The following MLYCD variants were observed in gnomAD, a reference collection of about 807,000 sequenced individuals.
MLYCD encodes malonyl-CoA decarboxylase, mitochondrial.
A neutral mutation model predicts 35.8 loss-of-function variants in MLYCD; 27 were observed. That is an observed-to-expected ratio of 0.75 (90% CI 0.56 to 1.04). MLYCD has a LOEUF of 1.04. Among genes scored for constraint, MLYCD ranks in the 50% least tolerant of loss-of-function variants. MLYCD has a pLI of 0.00. For synonymous variants in MLYCD, 403 were observed against 302.4 expected, an observed-to-expected ratio of 1.33 and a Z score of -3.45; for missense variants, 917 against 665.1, an observed-to-expected ratio of 1.38 and a Z score of -4.17.
Position 83,908,216 on chromosome 16 carries a change from G to C in MLYCD, c.732G>C (p.Ser244=). The change falls in exon 3 of 5, where the codon TCG becomes TCC. Residue 244 remains serine (S), a synonymous_variant. Transcript: ENST00000262430. ...YRRCYFFSHC[S]TPGEPLVVLH... ...GGTGTTACTTCTTTTCTCACTGTTC[G>C]ACCCCTGGGGAGCCCCTGGTCGTTT... 2 of 1,614,118 alleles carry C rather than the reference G, an allele frequency of 1.2e-6. No homozygotes were observed. The highest frequency in any genetic ancestry group is 1.7e-5 in the Admixed American group (1 of 60,008).
chr16:83,915,627 C>G lies in MLYCD; in HGVS notation c.*138C>G, dbSNP rs868586914. The G allele has an allele frequency of 2.0e-6, 3 of 1,524,012 alleles. No homozygotes were observed. The highest frequency in any genetic ancestry group is 4.0e-5 in the Admixed American group (2 of 50,592). 94.4% of individuals were successfully genotyped at this position (1,524,012 alleles called of 1,614,324 possible). A position where few individuals can be genotyped will look rare whatever the true frequency, so the allele number is the denominator to read the frequency against. On this transcript the variant is annotated 3_prime_UTR_variant, in exon 5 of 5. Transcript: ENST00000262430. ...GTTCTTGTCCCGCAGCCGGTCCACACTGTGAGGCCAGGCCTCAACTTCCCT... is the reference window on the plus strand; with the variant it reads ...GTTCTTGTCCCGCAGCCGGTCCACAGTGTGAGGCCAGGCCTCAACTTCCCT...
chr16:83,918,218 C>T lies in MLYCD; in HGVS notation c.*2729C>T, dbSNP rs186431271. 2.0e-5 allele frequency: 3 copies of T among 152,260 alleles called. No homozygotes were observed. The highest frequency in any genetic ancestry group is 6.5e-5 in the Admixed American group (1 of 15,288). 9.4% of individuals were successfully genotyped at this position (152,260 alleles called of 1,614,324 possible). ...TCTTAACCTTTTGTGAGTTACAGATCACTGAAATTCTGGTGAAAGCCAGGT... is the reference window on the plus strand; with the variant it reads ...TCTTAACCTTTTGTGAGTTACAGATTACTGAAATTCTGGTGAAAGCCAGGT... On this transcript the variant is annotated 3_prime_UTR_variant, in exon 5 of 5. Transcript: ENST00000262430.
chr16:83,908,669 T>A (rs1162434166), intron 3 of MLYCD, among the ~76,000 whole-genome samples: 1 of 152,170 alleles, frequency 6.6e-6, no homozygotes, highest in African/African-American at 2.4e-5. Flanking sequence ...GATACTTGAT[T>A]AGAAAATTGA....
rs1289450675 is a variant in MLYCD, at chr16:83,920,676, C to T, written c.*5187C>T. The T allele has an allele frequency of 1.3e-5, 2 of 152,222 alleles. No homozygotes were observed. The highest frequency in any genetic ancestry group is 1.9e-4 in the East Asian group (1 of 5,194). 9.4% of individuals were successfully genotyped at this position (152,222 alleles called of 1,614,324 possible). A position where few individuals can be genotyped will look rare whatever the true frequency, so the allele number is the denominator to read the frequency against. ...GCAGGCGTGTCCGAGACTGCAACTC[C>T]TAGTTCCCACCTTTCACACCTCATC... On this transcript the variant is annotated 3_prime_UTR_variant, in exon 5 of 5. Transcript: ENST00000262430.
rs148766722 is a variant in MLYCD, at chr16:83,902,131, A to ATGTGTG, written c.528+2472_528+2477dup. On this transcript the variant is annotated intron_variant, in intron 1 of 4. Coordinates refer to ENST00000262430, the MANE Select transcript of MLYCD (RefSeq NM_012213.3). ...TATACACATATATATGTATGTGTAT[A>ATGTGTG]TGTGTGTGTGTGTGTGTGCGTGCGT... Among the ~76,000 whole-genome samples, 901 of 126,548 alleles carry ATGTGTG rather than the reference A, an allele frequency of 7.1e-3. 12 individuals carry two copies. Among genetic ancestry groups the ATGTGTG allele is most frequent in the African/African-American group, 0.026 (854 of 33,322 alleles). 83.0% of individuals were successfully genotyped at this position (126,548 alleles called of 152,430 possible).
Position 83,926,574 on chromosome 16 carries a change from C to T in MLYCD, c.*11085C>T, listed in dbSNP as rs1034917863. 2.6e-5 allele frequency: 4 copies of T among 152,298 alleles called. No homozygotes were observed. The highest frequency in any genetic ancestry group is 9.6e-5 in the African/African-American group (4 of 41,474). 9.4% of individuals were successfully genotyped at this position (152,298 alleles called of 1,614,324 possible). On this transcript the variant is annotated 3_prime_UTR_variant, in exon 5 of 5. Coordinates refer to ENST00000262430, the MANE Select transcript of MLYCD (RefSeq NM_012213.3). ...GCTAGACAGCGTTCCCCAAGTCCCC[C>T]CTTGAGCTGGGTGGGCTGCCCAGCT...
intron 1 of MLYCD, among the ~76,000 whole-genome samples, chr16:83,906,326 GGCT>G: frequency 6.6e-6 from 1 of 152,328 alleles, no homozygotes; most frequent in African/African-American, 2.4e-5. Context: ...AGGAGGTCAA[GGCT>G]GCAGCGAGCC....
In MLYCD at chr16:83,915,360, G is replaced by A; in HGVS notation, c.1353G>A (p.Met451Ile). 8 of 1,613,744 alleles carry A rather than the reference G, an allele frequency of 5.0e-6. No individual in the cohort carries two copies. Among genetic ancestry groups the A allele is most frequent in the Non-Finnish European group, 6.8e-6 (8 of 1,180,040 alleles). Residue 451 changes from methionine to isoleucine, a missense_variant, in exon 5 of 5, where the codon ATG (methionine) becomes ATA (isoleucine). Met to Ile is a conservative substitution (Grantham distance 10, BLOSUM62 1). Transcript: ENST00000262430. The stretch of plus-strand genomic sequence containing the variant: ...GCATCACCGGCTCCTGCGGCCTGAT[G>A]GCCAACTACCGCTACTTCCTGGAGG... ...LRGITGSCGL[M>I]ANYRYFLEET... is the part of the protein sequence containing the mutation.
rs1456097297 is a variant in MLYCD at position 83,922,414 on chromosome 16, A to G, written c.*6925A>G. On this transcript the variant is annotated 3_prime_UTR_variant, in exon 5 of 5. Coordinates refer to ENST00000262430, the MANE Select transcript of MLYCD (RefSeq NM_012213.3). ...CTGGGGTTCAGACTTGAGGGGTGCC[A>G]CTGGAGTTGGGGTGCACCTGCTCTC... 1 of 152,274 alleles carries G rather than the reference A, an allele frequency of 6.6e-6. No individual in the cohort carries two copies. The highest frequency in any genetic ancestry group is 2.4e-5 in the African/African-American group (1 of 41,444). The allele number at this position is 152,274 out of a possible 1,614,324, so 9.4% of individuals were successfully genotyped here. A position where few individuals can be genotyped will look rare whatever the true frequency, so the allele number is the denominator to read the frequency against.
At chr16:83,911,891 G>A (rs538487373) in intron 3 of MLYCD, 22 of 364,068 alleles carry the variant, frequency 6.0e-5, no homozygotes, top group South Asian at 4.7e-4. Context: ...GTTGGCCGGA[G>A]AGTTTATGGA....
intron 3 of MLYCD, 41 bp downstream of exon 3, chr16:83,908,323 T>G (rs1260884711): frequency 1.2e-6 from 2 of 1,607,208 alleles, no homozygotes; most frequent in Non-Finnish European, 1.7e-6. Context: ...GGGCACCCCA[T>G]AGAGCCCCTT....
At chr16:83,902,207 G>A (rs1404648138) in intron 1 of MLYCD, among the ~76,000 whole-genome samples, 1 of 127,846 alleles carries the variant, frequency 7.8e-6, no homozygotes, top group Non-Finnish European at 1.7e-5. Context: ...TTGTTTTGTT[G>A]TTTACGGTTT....
rs1032928605 is a variant in MLYCD, at chr16:83,924,856, C to G, written c.*9367C>G. 4.6e-5 allele frequency: 7 copies of G among 152,280 alleles called. No individual in the cohort carries two copies. The highest frequency in any genetic ancestry group is 1.7e-4 in the African/African-American group (7 of 41,442). 9.4% of individuals were successfully genotyped at this position (152,280 alleles called of 1,614,324 possible). A position where few individuals can be genotyped will look rare whatever the true frequency, so the allele number is the denominator to read the frequency against. ...TGGCCAGGGGCCACCGTGGGCCACA[C>G]TGCACTTCCCAAATGCTCCCGGCAC... On this transcript the variant is annotated 3_prime_UTR_variant, in exon 5 of 5. Transcript: ENST00000262430.
At chr16:83,907,134 C>G (rs191945747) in intron 2 of MLYCD, 35 bp downstream of exon 2, 6 of 1,503,594 alleles carry the variant, frequency 4.0e-6, no homozygotes, top group Admixed American at 3.3e-5. Context: ...TTTGTACATA[C>G]ATTTTTCATA....
At position 83,919,088 on chromosome 16, in the gene MLYCD, GCA is replaced by G. The variant is rs1370700727; in HGVS notation, c.*3606_*3607del. The G allele has an allele frequency of 7.4e-6, 1 of 134,976 alleles. No homozygotes were observed. The highest frequency in any genetic ancestry group is 1.6e-5 in the Non-Finnish European group (1 of 63,058). 8.4% of individuals were successfully genotyped at this position (134,976 alleles called of 1,614,324 possible). Reference sequence around the variant, plus strand: ...GAGAACACAGTGCACAGGAGAACACGCACACACAGTGCACAGAACACAGACAC... The same window carrying G: ...GAGAACACAGTGCACAGGAGAACACGCACACAGTGCACAGAACACAGACAC... On this transcript the variant is annotated 3_prime_UTR_variant, in exon 5 of 5. Coordinates refer to ENST00000262430, the MANE Select transcript of MLYCD (RefSeq NM_012213.3).
chr16:83,915,931 C>A lies in MLYCD; in HGVS notation c.*442C>A. On this transcript the variant is annotated 3_prime_UTR_variant, in exon 5 of 5. Coordinates refer to ENST00000262430, the MANE Select transcript of MLYCD (RefSeq NM_012213.3). ...ATAAAACAGAATGCGGCGATGGTTG[C>A]TTTAGCCGTTTCTCACCATGCAATG... 9.3e-7 allele frequency: 1 copy of A among 1,075,656 alleles called. No homozygotes were observed. Among genetic ancestry groups the A allele is most frequent in the Non-Finnish European group, 1.1e-6 (1 of 883,752 alleles). The allele number at this position is 1,075,656 out of a possible 1,614,324, so 66.6% of individuals were successfully genotyped here. A position where few individuals can be genotyped will look rare whatever the true frequency, so the allele number is the denominator to read the frequency against.
intron 3 of MLYCD, among the ~76,000 whole-genome samples, chr16:83,910,640 G>A (rs184383442): frequency 4.5e-4 from 68 of 150,932 alleles, no homozygotes; most frequent in African/African-American, 1.3e-3. Context: ...GCAGTGAGCC[G>A]AGGTCGTGCC....
intron 4 of MLYCD, 58 bp from the exon 5 acceptor site, chr16:83,914,898 G>C (rs566482575): frequency 6.2e-6 from 10 of 1,611,774 alleles, no homozygotes; most frequent in Non-Finnish European, 8.5e-6. Flanking sequence ...TGTTGGTAAC[G>C]TACCTGCTGA....
At chr16:83,905,241 T>G (rs114201491) in intron 1 of MLYCD, among the ~76,000 whole-genome samples, 2,981 of 152,036 alleles carry the variant, frequency 0.02, 84 homozygotes, top group African/African-American at 0.065. Flanking sequence ...AAAAAAAAAT[T>G]CTAGCTGTTG....
Sources: gnomAD v4.1 joint callset for allele counts (sites outside exome capture counted in the v4.1 genomes callset) on GRCh38, gnomAD v4.1.1 for gene constraint, MANE v1.5 for transcripts, NCBI Gene and HGNC (gene_info 2026-07-23, HGNC 2026-07-21) for gene names.